Variants in GNA12 observed in about 807,000 individuals in gnomAD.
GNA12 encodes G protein subunit alpha 12, also known as guanine nucleotide-binding protein subunit alpha-12.
A neutral mutation model predicts 26.0 loss-of-function variants in GNA12; 9 were observed. The observed-to-expected ratio is 0.35, with a 90% confidence interval of 0.21 to 0.60. The LOEUF (loss-of-function observed/expected upper bound fraction) is 0.60, where lower values mean the gene tolerates loss of function less well. Ranked by LOEUF, GNA12 falls within the 20% of genes least tolerant of loss-of-function variation. The pLI is 0.78. For synonymous variants in GNA12, 264 were observed against 219.6 expected (o/e 1.20, Z -1.79); for missense variants, 405 against 525.8 (o/e 0.77, Z 2.25).
intron 2 of GNA12, among the ~76,000 whole-genome samples, chr7:2,741,476 T>G (rs935176329): frequency 6.6e-6 from 1 of 152,190 alleles, no homozygotes; most frequent in African/African-American, 2.4e-5. Context: ...CATGTCACAG[T>G]TGGACTGCCT....
At chr7:2,834,134 A>G (rs1281911200) in intron 1 of GNA12, among the ~76,000 whole-genome samples, 1 of 152,186 alleles carries the variant, frequency 6.6e-6, no homozygotes, top group African/African-American at 2.4e-5. Flanking sequence ...CTGCAGTCCA[A>G]AGAAAGCCAC....
rs1411547105 is a variant in GNA12 at position 2,814,991 on chromosome 7, G to C, written c.310-19848C>G. On this transcript the variant is annotated intron_variant, in intron 1 of 3. Coordinates refer to ENST00000275364, the MANE Select transcript of GNA12 (RefSeq NM_007353.3). ...CGGCATGGCTGACAAGGACGTCACT[G>C]TATCCAGGTCTAATCTCGCCCCTTC... is the stretch of plus-strand genomic sequence containing the variant. 9 of 1,547,262 alleles carry C rather than the reference G, an allele frequency of 5.8e-6. No homozygotes were observed. The African/African-American group carries it at 9.6e-5, about 16-fold the overall frequency.
intron 1 of GNA12, among the ~76,000 whole-genome samples, chr7:2,806,011 T>C (rs1360817293): frequency 1.3e-5 from 2 of 152,240 alleles, no homozygotes; most frequent in African/African-American, 2.4e-5. Flanking sequence ...CATGTTGCAA[T>C]TGTAATATTT....
chr7:2,817,164 G>A (rs1474755064), intron 1 of GNA12, among the ~76,000 whole-genome samples: 1 of 152,180 alleles, frequency 6.6e-6, no homozygotes, highest in East Asian at 1.9e-4. Context: ...GTAGCGCAAT[G>A]GCGCGACCTC....
At chr7:2,841,923 T>C (rs932787528) in intron 1 of GNA12, among the ~76,000 whole-genome samples, 4 of 151,260 alleles carry the variant, frequency 2.6e-5, no homozygotes, top group African/African-American at 4.9e-5. Flanking sequence ...TTTGAGATGA[T>C]TGTCCTCGCC....
intron 1 of GNA12, among the ~76,000 whole-genome samples, chr7:2,834,848 A>G (rs146970370): frequency 4.5e-4 from 68 of 152,266 alleles, no homozygotes; most frequent in African/African-American, 1.5e-3. Flanking sequence ...ACGGTCAGCT[A>G]TATTATCTAG....
intron 1 of GNA12, among the ~76,000 whole-genome samples, chr7:2,842,468 T>A (rs1164938374): frequency 3.3e-5 from 5 of 152,160 alleles, no homozygotes. Flanking sequence ...CCAACTAATG[T>A]GTTCATTTTT....
chr7:2,783,619 C>G (rs1792284028), intron 2 of GNA12, among the ~76,000 whole-genome samples: 1 of 151,718 alleles, frequency 6.6e-6, no homozygotes. Flanking sequence ...TGGTGCTTTA[C>G]AATCCTGTCA....
intron 2 of GNA12, among the ~76,000 whole-genome samples, chr7:2,741,223 C>A (rs535803624): frequency 6.6e-6 from 1 of 152,220 alleles, no homozygotes; most frequent in South Asian, 2.1e-4. Flanking sequence ...TGTGGCGGCA[C>A]GCACACCTGT....
chr7:2,839,714 A>G (rs2114982136), intron 1 of GNA12, among the ~76,000 whole-genome samples: 1 of 152,294 alleles, frequency 6.6e-6, no homozygotes, highest in East Asian at 1.9e-4. Flanking sequence ...AAATTATCGA[A>G]TTAAAGAACA....
chr7:2,816,242 T>TTTTTTTTC (rs1161634137), intron 1 of GNA12, among the ~76,000 whole-genome samples: 4 of 152,074 alleles, frequency 2.6e-5, no homozygotes, highest in Non-Finnish European at 5.9e-5. Context: ...ACCAAATCCT[T>TTTTTTTTC]TTTTTTTGAG....
At chr7:2,829,535 T>C (rs933572648) in intron 1 of GNA12, among the ~76,000 whole-genome samples, 2 of 152,160 alleles carry the variant, frequency 1.3e-5, no homozygotes, top group African/African-American at 2.4e-5. Context: ...CTATTACTTC[T>C]GCCATTTCCC....
chr7:2,770,701 A>G (rs778111091), intron 2 of GNA12, among the ~76,000 whole-genome samples: 4 of 152,176 alleles, frequency 2.6e-5, no homozygotes, highest in Non-Finnish European at 5.9e-5. Context: ...AAAAGAACAA[A>G]CAAAAACAAA....
At chr7:2,835,574 G>C in intron 1 of GNA12, 2 of 540,736 alleles carry the variant, frequency 3.7e-6, no homozygotes, top group South Asian at 4.4e-5. Context: ...GCAAGAGCGC[G>C]CTTGGGGGCA....
In GNA12 at chr7:2,750,778, T is replaced by C. The variant is rs146060911; in HGVS notation, c.526-17277A>G. On this transcript the variant is annotated intron_variant, in intron 2 of 3. Coordinates refer to ENST00000275364, the MANE Select transcript of GNA12 (RefSeq NM_007353.3). ...ACTATCGGACAGGCATGTCCCATAG[T>C]GTGAAGAAACACAGTGTGAAGTTAC... Among the ~76,000 whole-genome samples, 7 of 152,308 alleles carry C rather than the reference T, an allele frequency of 4.6e-5. No homozygotes were observed. The East Asian group carries it at 1.4e-3, about 29-fold the overall frequency.
chr7:2,752,526 C>G (rs866851955), intron 2 of GNA12, among the ~76,000 whole-genome samples: 3 of 152,104 alleles, frequency 2.0e-5, no homozygotes, highest in Non-Finnish European at 4.4e-5. Flanking sequence ...TGCAGATCGC[C>G]TAACTGTTCA....
rs559738575 is a variant in GNA12 at position 2,789,430 on chromosome 7, C to A, written c.525+5498G>T. Reference sequence around the variant, plus strand: ...GATTACAGGCGTGAGCCACCGCGCCCGGCCCCTTCAGGCATCTTTTACATG... The same window carrying A: ...GATTACAGGCGTGAGCCACCGCGCCAGGCCCCTTCAGGCATCTTTTACATG... On this transcript the variant is annotated intron_variant, in intron 2 of 3. Coordinates refer to ENST00000275364, the MANE Select transcript of GNA12 (RefSeq NM_007353.3). 4.2e-4 allele frequency among the ~76,000 whole-genome samples: 64 copies of A among 151,500 alleles called. 1 individual carries two copies. The highest frequency in any genetic ancestry group is 7.5e-4 in the Non-Finnish European group (51 of 67,938).
chr7:2,762,969 C>T (rs1791638444), intron 2 of GNA12: 2 of 1,354,782 alleles, frequency 1.5e-6, no homozygotes, highest in Non-Finnish European at 1.9e-6. Context: ...GTCTCCTGCT[C>T]CTCAGAAAGA....
rs143538268 is a variant in GNA12, at chr7:2,817,233, T to C, written c.310-22090A>G. ...CGATTCTCCTGTCTCAGCCTCCTGA[T>C]AGCTGAAATTACAGGCACGCGCCAC... is the stretch of plus-strand genomic sequence containing the variant. On this transcript the variant is annotated intron_variant, in intron 1 of 3. Coordinates refer to ENST00000275364, the MANE Select transcript of GNA12 (RefSeq NM_007353.3). 8.5e-5 allele frequency among the ~76,000 whole-genome samples: 13 copies of C among 152,332 alleles called. No individual in the cohort carries two copies. In the East Asian group the frequency reaches 1.9e-3, roughly 23 times the overall value.
Sources: gnomAD v4.1 joint callset for allele counts (sites outside exome capture counted in the v4.1 genomes callset) on GRCh38, gnomAD v4.1.1 for gene constraint, MANE v1.5 for transcripts, NCBI Gene and HGNC (gene_info 2026-07-23, HGNC 2026-07-21) for gene names.